IL10RB: variants seen among roughly 807,000 people sequenced by gnomAD.
The protein encoded by IL10RB is interleukin 10 receptor subunit beta.
In IL10RB, 30 loss-of-function variants were observed where a neutral mutation model predicts 38.7. That is an observed-to-expected ratio of 0.78 (90% CI 0.58 to 1.05). IL10RB has a LOEUF of 1.05. Ranked by LOEUF, IL10RB falls within the 50% of genes least tolerant of loss-of-function variation. The probability of loss-of-function intolerance (pLI) is 0.00; values close to 1 mark genes in which losing one functional copy is unlikely to be tolerated. For missense variants in IL10RB, 328 were observed against 397.1 expected (o/e 0.83, Z 1.48); for synonymous variants, 142 against 145.9 (o/e 0.97, Z 0.19).
intron 2 of IL10RB, among the ~76,000 whole-genome samples, chr21:33,273,246 A>G (rs1302763390): frequency 6.6e-6 from 1 of 152,248 alleles, no homozygotes; most frequent in Non-Finnish European, 1.5e-5. Context: ...ATACAGGCAT[A>G]TCACAGAGAT....
chr21:33,266,833 C>T (rs1988960043), intron 1 of IL10RB, among the ~76,000 whole-genome samples: 1 of 152,128 alleles, frequency 6.6e-6, no homozygotes, highest in African/African-American at 2.4e-5. Flanking sequence ...AGTAGCTTCC[C>T]CAAAAGACCC....
At chr21:33,275,715 A>C (rs1193751809) in intron 2 of IL10RB, among the ~76,000 whole-genome samples, 2 of 152,246 alleles carry the variant, frequency 1.3e-5, no homozygotes, top group Admixed American at 6.5e-5. Context: ...GTTTGGCCCA[A>C]GGGGCCTGTT....
chr21:33,283,090 C>A lies in IL10RB; in HGVS notation c.499-4C>A. On this transcript the variant is annotated splice_region_variant and splice_polypyrimidine_tract_variant and intron_variant, in intron 4 of 6. Coordinates refer to ENST00000290200, the MANE Select transcript of IL10RB (RefSeq NM_000628.5). Reference sequence around the variant, plus strand: ...CATGTTCTTATTTTTGTCTCCATTACTAGTTTCAAATTACTCCCCAGTATG... The same window carrying A: ...CATGTTCTTATTTTTGTCTCCATTAATAGTTTCAAATTACTCCCCAGTATG... The A allele has an allele frequency of 6.2e-7, 1 of 1,610,116 alleles. No individual in the cohort carries two copies. Among genetic ancestry groups the A allele is most frequent in the South Asian group, 1.1e-5 (1 of 90,992 alleles).
chr21:33,274,444 G>A (rs1989135378), intron 2 of IL10RB, among the ~76,000 whole-genome samples: 1 of 152,134 alleles, frequency 6.6e-6, no homozygotes. Flanking sequence ...AAAGTGCTCA[G>A]ATTACAGGCA....
intron 2 of IL10RB, among the ~76,000 whole-genome samples, chr21:33,272,634 A>C (rs1275221527): frequency 6.6e-6 from 1 of 152,094 alleles, no homozygotes; most frequent in Non-Finnish European, 1.5e-5. Context: ...TTTTGTAGAG[A>C]CAAGGACTCA....
At position 33,296,903 on chromosome 21, in the gene IL10RB, G is replaced by C. The variant is rs886057006; in HGVS notation, c.*546G>C. On this transcript the variant is annotated 3_prime_UTR_variant, in exon 7 of 7. Transcript: ENST00000290200. ...GAGGAGGAGGAGGTTGCAGTGAGCC[G>C]AGATAGCGGCACTGCACTCCAGCCT... 5.0e-6 allele frequency: 1 copy of C among 198,170 alleles called. No homozygotes were observed. The highest frequency in any genetic ancestry group is 2.4e-5 in the African/African-American group (1 of 40,984). The allele number at this position is 198,170 out of a possible 1,614,324, so 12.3% of individuals were successfully genotyped here.
At position 33,297,121 on chromosome 21, in the gene IL10RB, A is replaced by G. The variant is rs184380137; in HGVS notation, c.*764A>G. ...CAGCTCAATGCTACACAGAGCACGG[A>G]CTTTTGGATTCTTTGCAGTACTTTG... On this transcript the variant is annotated 3_prime_UTR_variant, in exon 7 of 7. Coordinates refer to ENST00000290200, the MANE Select transcript of IL10RB (RefSeq NM_000628.5). 6.4e-6 allele frequency: 1 copy of G among 155,296 alleles called. No individual in the cohort carries two copies. The highest frequency in any genetic ancestry group is 2.4e-5 in the African/African-American group (1 of 41,550). 9.6% of individuals were successfully genotyped at this position (155,296 alleles called of 1,614,324 possible).
chr21:33,288,128 C>T lies in IL10RB; in HGVS notation c.671C>T (p.Ala224Val), dbSNP rs1280363095. ...GAAACGGTCCCCTCCTGGATGGTGG[C>T]CGTCATCCTCATGGCCTCGGTCTTC... is the stretch of plus-strand genomic sequence containing the variant. Reference protein sequence around the residue: ...HDETVPSWMVAVILMASVFMV... With the variant: ...HDETVPSWMVVVILMASVFMV... The change falls in exon 6 of 7, where the codon GCC (alanine) becomes GTC (valine). Residue 224 changes from alanine to valine, a missense_variant. Physicochemically the swap from Ala to Val is moderately conservative, Grantham distance 64 (BLOSUM62 0). Coordinates refer to ENST00000290200, the MANE Select transcript of IL10RB (RefSeq NM_000628.5). 1 of 1,613,942 alleles carries T rather than the reference C, an allele frequency of 6.2e-7. No homozygotes were observed. The highest frequency in any genetic ancestry group is 8.5e-7 in the Non-Finnish European group (1 of 1,180,002).
intron 6 of IL10RB, among the ~76,000 whole-genome samples, chr21:33,292,442 G>A (rs754441676): frequency 6.6e-6 from 1 of 152,114 alleles, no homozygotes; most frequent in Non-Finnish European, 1.5e-5. Context: ...GTCATCATGT[G>A]AGCAGACACA....
chr21:33,298,746 T>C (rs1030683331), downstream of IL10RB, among the ~76,000 whole-genome samples: 2 of 152,156 alleles, frequency 1.3e-5, no homozygotes, highest in Non-Finnish European at 2.9e-5. Flanking sequence ...ATGGAAAATA[T>C]GAGTGGTTAG....
chr21:33,268,926 G>A (rs1989023820), intron 2 of IL10RB, among the ~76,000 whole-genome samples: 3 of 152,106 alleles, frequency 2.0e-5, no homozygotes, highest in African/African-American at 4.8e-5. Flanking sequence ...ATGTTGAGTG[G>A]ATGCTACCCA....
chr21:33,282,687 G>T (rs754932508), intron 4 of IL10RB, among the ~76,000 whole-genome samples: 37 of 152,192 alleles, frequency 2.4e-4, no homozygotes, highest in Non-Finnish European at 4.9e-4. Context: ...AAGTTCAAGC[G>T]ATTCTCGTGC....
intron 3 of IL10RB, among the ~76,000 whole-genome samples, chr21:33,278,731 G>C (rs1376644157): frequency 6.6e-6 from 1 of 152,226 alleles, no homozygotes; most frequent in African/African-American, 2.4e-5. Flanking sequence ...GTATTTTAGT[G>C]ATAGGAAAGT....
intron 2 of IL10RB, among the ~76,000 whole-genome samples, chr21:33,274,724 T>C (rs748491640): frequency 6.6e-6 from 1 of 152,198 alleles, no homozygotes; most frequent in African/African-American, 2.4e-5. Context: ...TAAACAGATG[T>C]GCCGTCCTCC....
intron 3 of IL10RB, among the ~76,000 whole-genome samples, chr21:33,278,480 A>C (rs938630838): frequency 6.6e-6 from 1 of 152,238 alleles, no homozygotes; most frequent in Non-Finnish European, 1.5e-5. Flanking sequence ...CACAATAGTT[A>C]AAAGTACAAG....
At chr21:33,290,038 C>T (rs1006540095) in intron 6 of IL10RB, among the ~76,000 whole-genome samples, 2 of 151,986 alleles carry the variant, frequency 1.3e-5, no homozygotes, top group Admixed American at 1.3e-4. Context: ...GGCGTGAACC[C>T]GGGAGGCGGA....
intron 6 of IL10RB, among the ~76,000 whole-genome samples, chr21:33,289,129 G>A (rs1248777682): frequency 1.3e-5 from 2 of 152,224 alleles, no homozygotes; most frequent in East Asian, 1.9e-4. Flanking sequence ...ATGGGCGTGT[G>A]AACTCCACAT....
intron 3 of IL10RB, among the ~76,000 whole-genome samples, chr21:33,277,232 G>A (rs530667809): frequency 6.6e-6 from 1 of 151,930 alleles, no homozygotes; most frequent in Non-Finnish European, 1.5e-5. Flanking sequence ...GGTCAGACTG[G>A]TTGGTCAGCA....
chr21:33,293,933 A>G, intron 6 of IL10RB: 2 of 468,416 alleles, frequency 4.3e-6, no homozygotes, highest in South Asian at 3.1e-5. Flanking sequence ...TTGCTTGGGT[A>G]AAAGGTGTTG....
Sources: allele counts gnomAD v4.1 joint callset (sites outside exome capture counted in the v4.1 genomes callset), GRCh38; gene constraint gnomAD v4.1.1; transcripts MANE v1.5; gene names NCBI Gene and HGNC (gene_info 2026-07-23, HGNC 2026-07-21).